The following CHL1 variants were observed in gnomAD, a reference collection of about 807,000 sequenced individuals.
The protein encoded by CHL1 is cell adhesion molecule L1 like.
CHL1 carries 96 observed loss-of-function variants against 141.9 expected under a neutral mutation model. The ratio of observed to expected loss-of-function variants is 0.68; its 90% CI spans 0.57 to 0.80. The LOEUF is 0.80. CHL1 is among the 30% of genes least tolerant of loss of function. The pLI, the probability that CHL1 is intolerant of heterozygous loss-of-function variation, is 0.00. For missense variants in CHL1, 1,820 were observed against 1,457.2 expected (o/e 1.25, Z -4.05); for synonymous variants, 613 against 502.2 (o/e 1.22, Z -2.95).
At chr3:343,129 A>G in intron 8 of CHL1, 98 bp downstream of exon 8, 1 of 889,608 alleles carries the variant, frequency 1.1e-6, no homozygotes, top group South Asian at 1.9e-5. Context: ...GTTTATTACA[A>G]TACTGTTATT....
chr3:306,665 A>G (rs1263983985), intron 2 of CHL1, among the ~76,000 whole-genome samples: 1 of 152,162 alleles, frequency 6.6e-6, no homozygotes, highest in Non-Finnish European at 1.5e-5. Context: ...AATTTGTCTC[A>G]GAGAATGGAA....
chr3:246,737 T>A (rs1368653287), intron 2 of CHL1: 2 of 152,136 alleles, frequency 1.3e-5, no homozygotes, highest in African/African-American at 4.8e-5. Flanking sequence ...CAATAAGCAG[T>A]TTAACTGTTA....
chr3:354,637 C>T lies in CHL1; in HGVS notation c.1034-3C>T, dbSNP rs1475041312. 3 of 1,610,328 alleles carry T rather than the reference C, an allele frequency of 1.9e-6. No homozygotes were observed. The highest frequency in any genetic ancestry group is 3.4e-5 in the Admixed American group (2 of 59,100). On this transcript the variant is annotated splice_polypyrimidine_tract_variant and splice_region_variant and intron_variant, in intron 10 of 27. Transcript: ENST00000256509. ...TCTCATGAGCTCTTCACTTTACATC[C>T]AGAGCCTCCTCGCTGGACAAAGAAG...
At chr3:229,027 G>A (rs1349292247) in intron 1 of CHL1, among the ~76,000 whole-genome samples, 7 of 152,108 alleles carry the variant, frequency 4.6e-5, no homozygotes, top group East Asian at 1.9e-4. Context: ...GCAGCCCTGC[G>A]GTGTGCATTG....
intron 2 of CHL1, among the ~76,000 whole-genome samples, chr3:307,334 G>A (rs9882433): frequency 0.21 from 31,344 of 151,990 alleles, 5,145 homozygotes; most frequent in African/African-American, 0.44. Flanking sequence ...ACACACAAAC[G>A]TACACTTCAC....
At position 223,558 on chromosome 3, in the gene CHL1, G is replaced by A. The variant is rs768060171; in HGVS notation, c.-174-21055G>A. 2.6e-5 allele frequency among the ~76,000 whole-genome samples: 4 copies of A among 152,140 alleles called. No homozygotes were observed. The South Asian group carries it at 6.2e-4, about 24-fold the overall frequency. Reference sequence around the variant, plus strand: ...CATATAGACTTGCTATGTATTTACTGCAGTTGTTAATATTAGATCCATGTG... The same window carrying A: ...CATATAGACTTGCTATGTATTTACTACAGTTGTTAATATTAGATCCATGTG... On this transcript the variant is annotated intron_variant, in intron 1 of 27. Coordinates refer to ENST00000256509, the MANE Select transcript of CHL1 (RefSeq NM_006614.4).
chr3:406,746 T>C lies in CHL1; in HGVS notation c.*1035T>C, dbSNP rs546995165. ...TTTTTCGTCATTCCAGAGCTACAACTAATAACACGAGGTTCCAAAGCTGAA... is the reference window on the plus strand; with the variant it reads ...TTTTTCGTCATTCCAGAGCTACAACCAATAACACGAGGTTCCAAAGCTGAA... On this transcript the variant is annotated 3_prime_UTR_variant, in exon 28 of 28. Coordinates refer to ENST00000256509, the MANE Select transcript of CHL1 (RefSeq NM_006614.4). The C allele has an allele frequency of 6.6e-6, 1 of 152,286 alleles. No homozygotes were observed. Among genetic ancestry groups the C allele is most frequent in the South Asian group, 2.1e-4 (1 of 4,830 alleles). 9.4% of individuals were successfully genotyped at this position (152,286 alleles called of 1,614,324 possible). A position where few individuals can be genotyped will look rare whatever the true frequency, so the allele number is the denominator to read the frequency against.
At chr3:255,261 T>A (rs184013902) in intron 2 of CHL1, among the ~76,000 whole-genome samples, 1 of 152,308 alleles carries the variant, frequency 6.6e-6, no homozygotes, top group Admixed American at 6.5e-5. Flanking sequence ...AGTTAAAAAG[T>A]CTCTTTCTTA....
chr3:368,409 T>G (rs1054896468), intron 15 of CHL1, among the ~76,000 whole-genome samples: 1 of 152,230 alleles, frequency 6.6e-6, no homozygotes, highest in Non-Finnish European at 1.5e-5. Context: ...TTGAGAAGTG[T>G]CTGTTCATAT....
intron 1 of CHL1, among the ~76,000 whole-genome samples, chr3:217,111 C>T (rs572045161): frequency 3.3e-5 from 5 of 152,114 alleles, no homozygotes; most frequent in Admixed American, 6.5e-5. Context: ...GAAGAAATTA[C>T]CTTCTGTGCA....
chr3:361,830 T>C lies in CHL1; in HGVS notation c.1418+20T>C, dbSNP rs1704281495. The C allele has an allele frequency of 6.8e-7, 1 of 1,471,668 alleles. No homozygotes were observed. The highest frequency in any genetic ancestry group is 9.5e-7 in the Non-Finnish European group (1 of 1,050,888). 91.2% of individuals were successfully genotyped at this position (1,471,668 alleles called of 1,614,324 possible). A position where few individuals can be genotyped will look rare whatever the true frequency, so the allele number is the denominator to read the frequency against. The stretch of plus-strand genomic sequence containing the variant: ...GTCCTGGTAAGCCGGTGGCTCATGG[T>C]TTTCTTAAGAGAATGTCAATTGTAG... On this transcript the variant is annotated intron_variant, in intron 13 of 27. Transcript: ENST00000256509.
At chr3:251,485 G>A (rs1010385773) in intron 2 of CHL1, among the ~76,000 whole-genome samples, 2 of 152,074 alleles carry the variant, frequency 1.3e-5, no homozygotes, top group Non-Finnish European at 2.9e-5. Flanking sequence ...TGTTATCAGT[G>A]TCATCAACAT....
intron 16 of CHL1, among the ~76,000 whole-genome samples, 171 bp downstream of exon 16, chr3:378,113 T>C (rs528476623): frequency 6.6e-6 from 1 of 152,336 alleles, no homozygotes; most frequent in East Asian, 1.9e-4. Context: ...TTTTTTCATA[T>C]AAAAGAAATT....
At chr3:260,669 G>T (rs968014263) in intron 2 of CHL1, among the ~76,000 whole-genome samples, 1 of 152,160 alleles carries the variant, frequency 6.6e-6, no homozygotes, top group African/African-American at 2.4e-5. Flanking sequence ...CACAGCTGGG[G>T]TGTAGTTTGG....
intron 5 of CHL1, among the ~76,000 whole-genome samples, chr3:339,238 T>G (rs755479651): frequency 6.6e-6 from 1 of 152,066 alleles, no homozygotes; most frequent in Non-Finnish European, 1.5e-5. Flanking sequence ...TGTATATTAC[T>G]ATGCCTTATG....
At chr3:367,843 A>G (rs1213901998) in intron 15 of CHL1, among the ~76,000 whole-genome samples, 1 of 151,928 alleles carries the variant, frequency 6.6e-6, no homozygotes. Flanking sequence ...CTCTGTGTCC[A>G]TATGTTCTCA....
chr3:232,926 G>T lies in CHL1; in HGVS notation c.-174-11687G>T, dbSNP rs550555542. Among the ~76,000 whole-genome samples, 4 of 151,954 alleles carry T rather than the reference G, an allele frequency of 2.6e-5. No homozygotes were observed. In the South Asian group the frequency reaches 6.3e-4, roughly 24 times the overall value. The stretch of plus-strand genomic sequence containing the variant: ...ACCTTTTTATAAAAGAAACCAGGGA[G>T]CACTTAAAATTTGTTCTCTAAGTTT... On this transcript the variant is annotated intron_variant, in intron 1 of 27. Transcript: ENST00000256509.
At chr3:350,258 T>A (rs932019910) in intron 10 of CHL1, among the ~76,000 whole-genome samples, 11 of 152,180 alleles carry the variant, frequency 7.2e-5, no homozygotes, top group African/African-American at 2.7e-4. Flanking sequence ...TAGGCAAAGA[T>A]GATACCATTT....
At chr3:300,553 A>T (rs1386729326) in intron 2 of CHL1, among the ~76,000 whole-genome samples, 3 of 152,100 alleles carry the variant, frequency 2.0e-5, no homozygotes, top group Non-Finnish European at 4.4e-5. Context: ...ATATGTACTC[A>T]CTATTTATTT....
Sources: allele counts gnomAD v4.1 joint callset (sites outside exome capture counted in the v4.1 genomes callset), GRCh38; gene constraint gnomAD v4.1.1; transcripts MANE v1.5; gene names NCBI Gene and HGNC (gene_info 2026-07-23, HGNC 2026-07-21).